SKA2: variants seen among roughly 807,000 people sequenced by gnomAD.
SKA2 encodes the protein spindle and kinetochore associated complex subunit 2.
In SKA2, 13 loss-of-function variants were observed where a neutral mutation model predicts 16.9. The ratio of observed to expected loss-of-function variants is 0.77; its 90% CI spans 0.50 to 1.22. SKA2 has a LOEUF of 1.22. Among genes scored for constraint, SKA2 ranks in the 50% most tolerant of loss-of-function variants. The pLI, the probability that SKA2 is intolerant of heterozygous loss-of-function variation, is 0.00. For synonymous variants in SKA2, 47 were observed against 48.5 expected, an observed-to-expected ratio of 0.97 and a Z score of 0.13; for missense variants, 107 against 139.7, an observed-to-expected ratio of 0.77 and a Z score of 1.18.
chr17:59,130,244 A>T (rs889866669), intron 2 of SKA2, among the ~76,000 whole-genome samples: 2 of 151,998 alleles, frequency 1.3e-5, no homozygotes, highest in African/African-American at 2.4e-5. Context: ...TCCAAAAAAA[A>T]ATTTTTTTAA....
intron 1 of SKA2, 99 bp downstream of exon 1, chr17:59,155,032 C>G (rs1233839524): frequency 2.5e-6 from 4 of 1,613,924 alleles, no homozygotes; most frequent in Non-Finnish European, 3.4e-6. Flanking sequence ...GTCCAGCCTC[C>G]GCCGCCCGGA....
At chr17:59,114,163 C>G (rs2046281798) in intron 3 of SKA2, among the ~76,000 whole-genome samples, 2 of 152,204 alleles carry the variant, frequency 1.3e-5, no homozygotes, top group African/African-American at 4.8e-5. Context: ...CATTCCTCAA[C>G]CACTGTTAGT....
chr17:59,114,922 A>G (rs1460083079), intron 3 of SKA2, among the ~76,000 whole-genome samples: 1 of 152,190 alleles, frequency 6.6e-6, no homozygotes, highest in Non-Finnish European at 1.5e-5. Flanking sequence ...GCACTGTCCA[A>G]TAAAACTTTC....
intron 1 of SKA2, chr17:59,154,856 G>A (rs1021047670): frequency 4.7e-6 from 6 of 1,279,994 alleles, no homozygotes; most frequent in African/African-American, 1.5e-5. Flanking sequence ...TTTCGTAAGG[G>A]GTGTAAAGGT....
intron 2 of SKA2, among the ~76,000 whole-genome samples, chr17:59,123,037 AAAG>A (rs2046346320): frequency 1.3e-5 from 2 of 150,080 alleles, no homozygotes; most frequent in South Asian, 2.1e-4. Context: ...AAAAAAAAAA[AAAG>A]AAAAGAAAAG....
intron 1 of SKA2, among the ~76,000 whole-genome samples, chr17:59,138,391 A>C (rs1413963279): frequency 2.0e-5 from 3 of 151,340 alleles, no homozygotes; most frequent in Non-Finnish European, 4.4e-5. Context: ...AGCATTTCAG[A>C]TTTTGGAATT....
chr17:59,143,124 T>G (rs1338250740), intron 1 of SKA2, among the ~76,000 whole-genome samples: 1 of 152,024 alleles, frequency 6.6e-6, no homozygotes, highest in African/African-American at 2.4e-5. Flanking sequence ...TTGTAGCAAA[T>G]AGAGCAATAA....
At chr17:59,116,927 C>T (rs771405622) in intron 3 of SKA2, among the ~76,000 whole-genome samples, 1 of 150,772 alleles carries the variant, frequency 6.6e-6, no homozygotes, top group Non-Finnish European at 1.5e-5. Context: ...AAGCGATTCC[C>T]GTCTCAGCCT....
At chr17:59,129,660 C>G (rs2046397189) in intron 2 of SKA2, among the ~76,000 whole-genome samples, 1 of 151,930 alleles carries the variant, frequency 6.6e-6, no homozygotes, top group Admixed American at 6.6e-5. Context: ...GAGTTTGAGA[C>G]CAGCCTAACA....
chr17:59,139,519 A>AT (rs71367667), intron 1 of SKA2, among the ~76,000 whole-genome samples: 2 of 151,488 alleles, frequency 1.3e-5, no homozygotes, highest in Non-Finnish European at 2.9e-5. Context: ...TTATTTTTAA[A>AT]TTTTTTTTGT....
chr17:59,146,083 TA>T (rs2046530096), intron 1 of SKA2, among the ~76,000 whole-genome samples: 1 of 152,272 alleles, frequency 6.6e-6, no homozygotes, highest in African/African-American at 2.4e-5. Context: ...AAAGGATTTG[TA>T]AAACTACAGC....
intron 2 of SKA2, among the ~76,000 whole-genome samples, chr17:59,123,807 C>T (rs891743560): frequency 6.7e-6 from 1 of 149,370 alleles, no homozygotes; most frequent in African/African-American, 2.6e-5. Flanking sequence ...TATTTTCTCT[C>T]AATCTCTGAG....
chr17:59,129,998 G>T (rs1318513878), intron 2 of SKA2, among the ~76,000 whole-genome samples: 2 of 134,534 alleles, frequency 1.5e-5, no homozygotes, highest in Non-Finnish European at 3.2e-5. Flanking sequence ...GGAAGGGAAG[G>T]AAGAGAGAAA....
intron 2 of SKA2, 132 bp downstream of exon 2, chr17:59,131,149 G>C: frequency 1.6e-6 from 1 of 607,504 alleles, no homozygotes; most frequent in Non-Finnish European, 2.7e-6. Flanking sequence ...CCAACACAAT[G>C]CAAGATTTTA....
chr17:59,112,451 A>G, intron 3 of SKA2, 106 bp from the exon 4 acceptor site: 1 of 766,558 alleles, frequency 1.3e-6, no homozygotes, highest in Admixed American at 3.0e-5. Context: ...CTAAGCTTAT[A>G]CTATGTATGT....
intron 1 of SKA2, among the ~76,000 whole-genome samples, chr17:59,148,808 C>CAAAAAAAAAAAAAAA (rs758187008): frequency 2.1e-4 from 10 of 47,568 alleles, no homozygotes; most frequent in African/African-American, 4.0e-4. Context: ...GACCCTGTCT[C>CAAAAAAAAAAAAAAA]AAAAAAAAAA....
At chr17:59,134,621 G>A (rs574752840) in intron 1 of SKA2, among the ~76,000 whole-genome samples, 1 of 151,178 alleles carries the variant, frequency 6.6e-6, no homozygotes, top group African/African-American at 2.4e-5. Flanking sequence ...GCACAGTCTT[G>A]GCTCACTGCA....
chr17:59,125,788 G>C (rs1330583557), intron 2 of SKA2, among the ~76,000 whole-genome samples: 1 of 151,954 alleles, frequency 6.6e-6, no homozygotes, highest in Non-Finnish European at 1.5e-5. Context: ...AAAAAGCTCA[G>C]TTCAATTAAG....
intron 2 of SKA2, among the ~76,000 whole-genome samples, chr17:59,128,551 G>A (rs1168146680): frequency 2.6e-5 from 4 of 151,022 alleles, no homozygotes; most frequent in African/African-American, 7.3e-5. Context: ...GCTTGAACTC[G>A]GAAGGCGGAG....
Sources: allele counts gnomAD v4.1 joint callset (sites outside exome capture counted in the v4.1 genomes callset), GRCh38; gene constraint gnomAD v4.1.1; transcripts MANE v1.5; gene names NCBI Gene and HGNC (gene_info 2026-07-23, HGNC 2026-07-21).